PTPN14: variants seen among roughly 807,000 people sequenced by gnomAD.
The protein encoded by PTPN14 is protein tyrosine phosphatase non-receptor type 14.
In PTPN14, 53 loss-of-function variants were observed where a neutral mutation model predicts 126.8. That is an observed-to-expected ratio of 0.42 (90% CI 0.34 to 0.53). The LOEUF (loss-of-function observed/expected upper bound fraction) is 0.53. Among genes scored for constraint, PTPN14 ranks in the 20% least tolerant of loss-of-function variants. PTPN14 has a pLI of 0.08. For missense variants in PTPN14, 1,257 were observed against 1,552.9 expected (o/e 0.81, Z 3.20); for synonymous variants, 630 against 599.3 (o/e 1.05, Z -0.75).
At chr1:214,505,065 C>A (rs1167301943) in intron 1 of PTPN14, among the ~76,000 whole-genome samples, 1 of 151,900 alleles carries the variant, frequency 6.6e-6, no homozygotes, top group African/African-American at 2.4e-5. Context: ...TGGCCAGTCT[C>A]ATGGAAAGAT....
chr1:214,475,198 C>A (rs60798187), intron 1 of PTPN14, among the ~76,000 whole-genome samples: 13,777 of 152,092 alleles, frequency 0.091, 638 homozygotes, highest in South Asian at 0.12. Flanking sequence ...TTTAAAGTAA[C>A]CTGGTAAAAC....
rs774735121 is a variant in PTPN14 at position 214,383,936 on chromosome 1, C to T, written c.1919G>A (p.Arg640His). The change falls in exon 13 of 19, where the codon CGC (arginine) becomes CAC (histidine). Residue 640 changes from arginine to histidine, a missense_variant. Arg to His is a conservative substitution (Grantham distance 29, BLOSUM62 0). Coordinates refer to ENST00000366956, the MANE Select transcript of PTPN14 (RefSeq NM_005401.5). This position sits in a 1 kb window ranked among gnomAD's most constrained non-coding sequence, Gnocchi z 4.4. ...GCTGTTCATCACCTCCAGGCTGTGG[C>T]GCTTGTTCACAGTGCCGTGGTGCTT... ...ATKHHGTVNK[R>H]HSLEVMNSMV... The T allele has an allele frequency of 8.1e-6, 13 of 1,613,216 alleles. No homozygotes were observed. Among genetic ancestry groups the T allele is most frequent in the South Asian group, 2.2e-5 (2 of 91,082 alleles).
At position 214,354,904 on chromosome 1, in the gene PTPN14, T is replaced by G. The variant is rs1382767550; in HGVS notation, c.*3018A>C. ...AACTAGATAACTAATTTAATACACT[T>G]TGCTTCAAGGTTTATTCCTTGGCTT... On this transcript the variant is annotated 3_prime_UTR_variant, in exon 19 of 19. Coordinates refer to ENST00000366956, the MANE Select transcript of PTPN14 (RefSeq NM_005401.5). The G allele has an allele frequency of 6.6e-6, 1 of 152,210 alleles. No homozygotes were observed. The highest frequency in any genetic ancestry group is 2.4e-5 in the African/African-American group (1 of 41,460). The allele number at this position is 152,210 out of a possible 1,614,324, so 9.4% of individuals were successfully genotyped here.
At chr1:214,404,826 A>G (rs574063867) in intron 5 of PTPN14, among the ~76,000 whole-genome samples, 1 of 152,310 alleles carries the variant, frequency 6.6e-6, no homozygotes, top group South Asian at 2.1e-4. Context: ...CAATTACTTC[A>G]TAAGATCAAA....
intron 1 of PTPN14, among the ~76,000 whole-genome samples, chr1:214,508,267 T>C (rs1193399443): frequency 6.6e-6 from 1 of 152,216 alleles, no homozygotes; most frequent in Non-Finnish European, 1.5e-5. Flanking sequence ...TCTTTCCAAA[T>C]TGGAGTCAAT....
chr1:214,366,272 A>G (rs930211205), intron 17 of PTPN14, among the ~76,000 whole-genome samples: 6 of 152,216 alleles, frequency 3.9e-5, no homozygotes, highest in Non-Finnish European at 7.3e-5. Context: ...TTGTGTGTGG[A>G]ATCTTCTTTA....
chr1:214,512,736 G>A (rs1418888918), intron 1 of PTPN14, among the ~76,000 whole-genome samples: 7 of 152,140 alleles, frequency 4.6e-5, no homozygotes, highest in Non-Finnish European at 7.4e-5. Context: ...CTGTTGCCCA[G>A]GCTAGAGTGC....
chr1:214,439,901 A>T (rs2102619176), intron 3 of PTPN14, among the ~76,000 whole-genome samples: 1 of 152,314 alleles, frequency 6.6e-6, no homozygotes, highest in East Asian at 1.9e-4. Flanking sequence ...AATGCTCGCT[A>T]TTTAAAGGAC....
chr1:214,550,094 C>T (rs75322370), intron 1 of PTPN14, among the ~76,000 whole-genome samples: 2,388 of 152,304 alleles, frequency 0.016, 72 homozygotes, highest in African/African-American at 0.054. Flanking sequence ...TCGCCTCAGA[C>T]TCTCACAGAA....
rs148900952 is a variant in PTPN14, at chr1:214,383,608, C to A, written c.2247G>T (p.Pro749=). 2 of 1,613,298 alleles carry A rather than the reference C, an allele frequency of 1.2e-6. No individual in the cohort carries two copies. The highest frequency in any genetic ancestry group is 1.1e-5 in the South Asian group (1 of 91,058). ...AALARIPNKP[P]PEYPGPRKSV... The stretch of plus-strand genomic sequence containing the variant: ...TCTTCCTTGGACCGGGGTACTCAGG[C>A]GGGGGCTTGTTGGGGATGCGGGCCA... The change falls in exon 13 of 19, where the codon CCG becomes CCT. Residue 749 remains proline (P), a synonymous_variant. Coordinates refer to ENST00000366956, the MANE Select transcript of PTPN14 (RefSeq NM_005401.5). This position sits in a 1 kb window ranked among gnomAD's most constrained non-coding sequence, Gnocchi z 4.4.
intron 1 of PTPN14, among the ~76,000 whole-genome samples, chr1:214,493,673 C>T (rs572565406): frequency 1.1e-4 from 16 of 152,250 alleles, no homozygotes; most frequent in African/African-American, 3.9e-4. Context: ...TTCAGAGACA[C>T]AGTGGGATCA....
At chr1:214,511,095 C>T (rs182497058) in intron 1 of PTPN14, among the ~76,000 whole-genome samples, 231 of 151,936 alleles carry the variant, frequency 1.5e-3, no homozygotes, top group South Asian at 5.6e-3. Context: ...GCTGTGTTGC[C>T]CAAGCTGATC....
chr1:214,432,297 A>G (rs141236705), intron 3 of PTPN14, among the ~76,000 whole-genome samples: 157 of 152,342 alleles, frequency 1.0e-3, no homozygotes, highest in African/African-American at 3.6e-3. Flanking sequence ...GGTACTTAAC[A>G]TTTGTTTAAT....
At chr1:214,535,279 C>A (rs1655674795) in intron 1 of PTPN14, among the ~76,000 whole-genome samples, 1 of 152,100 alleles carries the variant, frequency 6.6e-6, no homozygotes, top group African/African-American at 2.4e-5. Context: ...TCTGTACATA[C>A]CATATTCATA....
intron 18 of PTPN14, among the ~76,000 whole-genome samples, chr1:214,358,904 G>A (rs924043565): frequency 2.6e-5 from 4 of 151,618 alleles, no homozygotes; most frequent in South Asian, 2.1e-4. Flanking sequence ...CACCACGCCC[G>A]GCTAATTTTT....
intron 3 of PTPN14, among the ~76,000 whole-genome samples, chr1:214,426,398 A>C (rs998141470): frequency 6.6e-6 from 1 of 152,152 alleles, no homozygotes; most frequent in Non-Finnish European, 1.5e-5. Context: ...TGTTAAATGC[A>C]ATTTAAAAAT....
intron 3 of PTPN14, among the ~76,000 whole-genome samples, chr1:214,416,856 A>T (rs1222160663): frequency 2.0e-5 from 3 of 152,194 alleles, no homozygotes; most frequent in African/African-American, 7.2e-5. Flanking sequence ...AAATTTGACA[A>T]CAGGAGTTGA....
intron 16 of PTPN14, 24 bp from the exon 17 acceptor site, chr1:214,369,715 T>G: frequency 6.3e-7 from 1 of 1,595,922 alleles, no homozygotes; most frequent in Non-Finnish European, 8.6e-7. Context: ...AAAAGCAAAA[T>G]TGGAAATAGG....
At chr1:214,421,086 A>C (rs1451388085) in intron 3 of PTPN14, among the ~76,000 whole-genome samples, 1 of 152,252 alleles carries the variant, frequency 6.6e-6, no homozygotes, top group Non-Finnish European at 1.5e-5. Flanking sequence ...ACACATGTTC[A>C]CACCAAAACT....
Sources: allele counts gnomAD v4.1 joint callset (sites outside exome capture counted in the v4.1 genomes callset), GRCh38; gene constraint gnomAD v4.1.1; non-coding constraint Gnocchi (gnomAD v3.1); transcripts MANE v1.5; gene names NCBI Gene and HGNC (gene_info 2026-07-23, HGNC 2026-07-21).